Variants in HAAO observed in about 807,000 individuals in gnomAD.
HAAO encodes the protein 3-hydroxyanthranilate 3,4-dioxygenase, also known as 3-hydroxyanthranilate oxygenase.
Under a neutral mutation model 46.2 loss-of-function variants are expected in HAAO, and 49 were observed. That is an observed-to-expected ratio of 1.06 (90% CI 0.84 to 1.34). The LOEUF (loss-of-function observed/expected upper bound fraction) is 1.34, where lower values mean the gene tolerates loss of function less well. Among genes scored for constraint, HAAO ranks in the 40% most tolerant of loss-of-function variants. The pLI is 0.00. For missense variants in HAAO, 408 were observed against 364.5 expected (o/e 1.12, Z -0.97); for synonymous variants, 157 against 145.2 (o/e 1.08, Z -0.58).
intron 4 of HAAO, among the ~76,000 whole-genome samples, chr2:42,776,280 C>T (rs1295800483): frequency 2.3e-5 from 3 of 129,582 alleles, no homozygotes; most frequent in African/African-American, 9.6e-5. Flanking sequence ...ACTCTTGTTG[C>T]CCAGGCTGGA....
At chr2:42,775,296 G>A (rs909093249) in intron 4 of HAAO, among the ~76,000 whole-genome samples, 25 of 149,972 alleles carry the variant, frequency 1.7e-4, no homozygotes, top group Non-Finnish European at 3.1e-4. Flanking sequence ...GAGAAAAAAG[G>A]CCAGTAAAAG....
At position 42,767,103 on chromosome 2, in the gene HAAO, A is replaced by G; in HGVS notation, c.*334T>C. On this transcript the variant is annotated 3_prime_UTR_variant, in exon 10 of 10. Coordinates refer to ENST00000294973, the MANE Select transcript of HAAO (RefSeq NM_012205.3). Reference sequence around the variant, plus strand: ...ACCCCCAGGTGTGCGTTCCTCAGGAAGCCTTTATTGAGGGCCTTCTTGGTG... The same window carrying G: ...ACCCCCAGGTGTGCGTTCCTCAGGAGGCCTTTATTGAGGGCCTTCTTGGTG... 1 of 428,904 alleles carries G rather than the reference A, an allele frequency of 2.3e-6. No individual in the cohort carries two copies. Among genetic ancestry groups the G allele is most frequent in the Non-Finnish European group, 4.4e-6 (1 of 229,548 alleles). The allele number at this position is 428,904 out of a possible 1,614,324, so 26.6% of individuals were successfully genotyped here.
intron 4 of HAAO, among the ~76,000 whole-genome samples, chr2:42,776,633 CTTT>C (rs1219622958): frequency 4.5e-5 from 6 of 134,116 alleles, no homozygotes; most frequent in Admixed American, 7.5e-5. Flanking sequence ...GAGTTGTTTC[CTTT>C]TTTTTTTTTT....
chr2:42,781,309 ATTGGT>A (rs1330188693), intron 4 of HAAO, among the ~76,000 whole-genome samples: 12 of 152,116 alleles, frequency 7.9e-5, no homozygotes, highest in Non-Finnish European at 1.5e-5. Context: ...GCTTTCCTTT[ATTGGT>A]TTATGGAGCC....
intron 4 of HAAO, among the ~76,000 whole-genome samples, chr2:42,776,069 C>G (rs564397071): frequency 6.6e-6 from 1 of 151,882 alleles, no homozygotes; most frequent in Non-Finnish European, 1.5e-5. Context: ...GGTCTAAGCT[C>G]ATAATAATTC....
chr2:42,775,985 G>A (rs1178877838), intron 4 of HAAO, among the ~76,000 whole-genome samples: 3 of 151,456 alleles, frequency 2.0e-5, no homozygotes, highest in East Asian at 3.9e-4. Context: ...ATGTGGAAGA[G>A]TGTGGTTTAG....
chr2:42,777,523 A>G (rs906719492), intron 4 of HAAO, among the ~76,000 whole-genome samples: 5 of 152,146 alleles, frequency 3.3e-5, no homozygotes, highest in African/African-American at 1.2e-4. Context: ...CAGCCTATGA[A>G]CAAGGAGAGC....
intron 5 of HAAO, 138 bp from the exon 6 acceptor site, chr2:42,770,324 G>T (rs1217252778): frequency 7.9e-6 from 7 of 881,742 alleles, no homozygotes; most frequent in Non-Finnish European, 1.1e-5. Flanking sequence ...CTGTGTGTCT[G>T]CCATCCTTTC....
At chr2:42,790,625 G>A (rs62143192) in intron 1 of HAAO, among the ~76,000 whole-genome samples, 22,168 of 151,148 alleles carry the variant, frequency 0.15, 1,940 homozygotes, top group South Asian at 0.22. Context: ...TCCACCTCCC[G>A]GGTTCAAGCA....
chr2:42,772,422 A>C (rs565737716), intron 4 of HAAO, among the ~76,000 whole-genome samples: 86 of 151,654 alleles, frequency 5.7e-4, no homozygotes, highest in Middle Eastern at 6.8e-3. Context: ...CAGAGGTTGC[A>C]GTGAGCCGAG....
chr2:42,788,556 C>G lies in HAAO; in HGVS notation c.132G>C (p.Lys44Asn). ...CTTCACCCTCTTCGATGTGATAGTC[C>G]TTCCTGGTGTTGGGGCCTCCGATGA... is the stretch of plus-strand genomic sequence containing the variant. ...VMFIGGPNTR[K>N]DYHIEEGEEV... The change falls in exon 2 of 10, where the codon AAG becomes AAC. Residue 44 changes from lysine (K) to asparagine (N), a missense_variant. Coordinates refer to ENST00000294973, the MANE Select transcript of HAAO (RefSeq NM_012205.3). The G allele has an allele frequency of 1.2e-6, 2 of 1,607,906 alleles. No homozygotes were observed. The highest frequency in any genetic ancestry group is 1.7e-6 in the Non-Finnish European group (2 of 1,174,448).
chr2:42,773,607 GAC>G (rs1397518051), intron 4 of HAAO, among the ~76,000 whole-genome samples: 1 of 127,540 alleles, frequency 7.8e-6, no homozygotes, highest in East Asian at 2.2e-4. Context: ...TTTTTTTTGA[GAC>G]GGAGTCTCAC....
intron 2 of HAAO, among the ~76,000 whole-genome samples, chr2:42,786,162 C>G (rs957021233): frequency 6.6e-6 from 1 of 151,924 alleles, no homozygotes; most frequent in African/African-American, 2.4e-5. Flanking sequence ...CAGATTTAAA[C>G]CCTTACTGCC....
intron 4 of HAAO, among the ~76,000 whole-genome samples, chr2:42,779,878 C>T (rs28783183): frequency 0.38 from 57,277 of 152,004 alleles, 11,897 homozygotes; most frequent in African/African-American, 0.53. Context: ...GTTTGGCTTA[C>T]TTGGTATAAA....
intron 4 of HAAO, among the ~76,000 whole-genome samples, chr2:42,781,862 G>A (rs903304704): frequency 8.8e-5 from 13 of 148,322 alleles, no homozygotes; most frequent in Non-Finnish European, 1.8e-4. Flanking sequence ...CAACAAGAGT[G>A]AAACTTTGTC....
At chr2:42,769,531 G>T (rs1670918778) in intron 7 of HAAO, among the ~76,000 whole-genome samples, 182 bp downstream of exon 7, 2 of 152,160 alleles carry the variant, frequency 1.3e-5, no homozygotes, top group Admixed American at 6.5e-5. Context: ...GTCAGGGAGG[G>T]AGCACAAAGG....
chr2:42,791,366 A>G (rs1349196445), intron 1 of HAAO, among the ~76,000 whole-genome samples: 1 of 152,164 alleles, frequency 6.6e-6, no homozygotes, highest in Admixed American at 6.5e-5. Context: ...AGGACTGAGA[A>G]GGAGCGACTG....
In HAAO at chr2:42,783,386, G is replaced by C. The variant is rs762562016; in HGVS notation, c.278C>G (p.Pro93Arg). The C allele has an allele frequency of 6.2e-7, 1 of 1,612,960 alleles. No homozygotes were observed. The highest frequency in any genetic ancestry group is 8.5e-7 in the Non-Finnish European group (1 of 1,179,336). The change falls in exon 4 of 10, where the codon CCA (proline) becomes CGA (arginine). Residue 93 changes from proline (P) to arginine (R), a missense_variant. Pro to Arg is a moderately radical substitution (Grantham distance 103). Transcript: ENST00000294973. The stretch of plus-strand genomic sequence containing the variant: ...CCCCACGGTGTTGGCAAACCTCTGT[G>C]GTGAGTGGGGCACCCTGGCAGGCAG... Reference protein sequence around the residue: ...FLLPARVPHSPQRFANTVGLV... With the variant: ...FLLPARVPHSRQRFANTVGLV...
At position 42,770,557 on chromosome 2, in the gene HAAO, C is replaced by T. The variant is rs1053125533; in HGVS notation, c.376G>A (p.Val126Ile). ...LRYYVGDTMD[V>I]LFEKWFYCKD... is the part of the protein sequence containing the mutation. Reference sequence around the variant, plus strand: ...CAGTAGAACCACTTCTCAAACAGAACGTCCATGGTGTCGCCCACATAGTAC... The same window carrying T: ...CAGTAGAACCACTTCTCAAACAGAATGTCCATGGTGTCGCCCACATAGTAC... Residue 126 changes from valine to isoleucine, a missense_variant, in exon 5 of 10, where the codon GTT becomes ATT. Coordinates refer to ENST00000294973, the MANE Select transcript of HAAO (RefSeq NM_012205.3). The T allele has an allele frequency of 3.5e-5, 55 of 1,552,550 alleles. No individual in the cohort carries two copies. The highest frequency in any genetic ancestry group is 1.7e-4 in the Middle Eastern group (1 of 6,012).
Sources: gnomAD v4.1 joint callset for allele counts (sites outside exome capture counted in the v4.1 genomes callset) on GRCh38, gnomAD v4.1.1 for gene constraint, MANE v1.5 for transcripts, NCBI Gene and HGNC (gene_info 2026-07-23, HGNC 2026-07-21) for gene names.